LRRK1: variants seen among roughly 807,000 people sequenced by gnomAD.
The protein encoded by LRRK1 is leucine-rich repeat serine/threonine-protein kinase 1.
A neutral mutation model predicts 209.1 loss-of-function variants in LRRK1; 113 were observed. That is an observed-to-expected ratio of 0.54 (90% CI 0.46 to 0.63). LRRK1 has a LOEUF of 0.63. Ranked by LOEUF, LRRK1 falls within the 30% of genes least tolerant of loss-of-function variation. The pLI, the probability that LRRK1 is intolerant of heterozygous loss-of-function variation, is 0.00. For synonymous variants in LRRK1, 1,144 were observed against 1,099.7 expected, an observed-to-expected ratio of 1.04 and a Z score of -0.80; for missense variants, 2,284 against 2,632.2, an observed-to-expected ratio of 0.87 and a Z score of 2.89.
intron 17 of LRRK1, among the ~76,000 whole-genome samples, chr15:101,026,460 T>C (rs1192675541): frequency 1.3e-5 from 2 of 152,208 alleles, no homozygotes; most frequent in Non-Finnish European, 2.9e-5. Flanking sequence ...CCCATCTCAT[T>C]TGTTGATCAC....
At chr15:101,004,095 C>T (rs1238045444) in intron 6 of LRRK1, among the ~76,000 whole-genome samples, 2 of 152,198 alleles carry the variant, frequency 1.3e-5, no homozygotes, top group African/African-American at 4.8e-5. Flanking sequence ...TCCTTGGCCT[C>T]GAATTCCCCT....
intron 3 of LRRK1, among the ~76,000 whole-genome samples, chr15:100,979,424 G>T (rs989241740): frequency 2.0e-5 from 3 of 152,032 alleles, no homozygotes; most frequent in Admixed American, 6.5e-5. Flanking sequence ...TTAATATATT[G>T]CTGGCAATTC....
Position 100,973,891 on chromosome 15 carries a change from A to C in LRRK1, c.185A>C (p.Tyr62Ser). The C allele has an allele frequency of 7.8e-7, 1 of 1,275,918 alleles. No individual in the cohort carries two copies. Among genetic ancestry groups the C allele is most frequent in the Non-Finnish European group, 9.9e-7 (1 of 1,005,736 alleles). The allele number at this position is 1,275,918 out of a possible 1,614,324, so 79.0% of individuals were successfully genotyped here. A position where few individuals can be genotyped will look rare whatever the true frequency, so the allele number is the denominator to read the frequency against. ...SRRTEGIRAAYRRGDRGGARD... is the reference protein window; with the variant it reads ...SRRTEGIRAASRRGDRGGARD... ...AGGACGGAAGGCATCCGCGCCGCGT[A>C]CAGGCGGGGAGACCGCGGCGGCGCC... is the stretch of plus-strand genomic sequence containing the variant. The change falls in exon 3 of 34, where the codon TAC (tyrosine) becomes TCC (serine). Residue 62 changes from tyrosine to serine, a missense_variant. By Grantham distance (144) the Tyr-to-Ser change is moderately radical. Transcript: ENST00000388948.
Position 101,078,233 on chromosome 15 carries a change from T to C in LRRK1, c.*9385T>C, listed in dbSNP as rs2037046936. 6.6e-6 allele frequency: 1 copy of C among 152,278 alleles called. No homozygotes were observed. Among genetic ancestry groups the C allele is most frequent in the Admixed American group, 6.5e-5 (1 of 15,284 alleles). 9.4% of individuals were successfully genotyped at this position (152,278 alleles called of 1,614,324 possible). Reference sequence around the variant, plus strand: ...TCAGCCCGCCTGCACCCAGGTGAAATAAACAGCTTTATTGCTCACACAAAG... The same window carrying C: ...TCAGCCCGCCTGCACCCAGGTGAAACAAACAGCTTTATTGCTCACACAAAG... On this transcript the variant is annotated 3_prime_UTR_variant, in exon 34 of 34. Coordinates refer to ENST00000388948, the MANE Select transcript of LRRK1 (RefSeq NM_024652.6).
chr15:101,055,104 A>G lies in LRRK1; in HGVS notation c.4213A>G (p.Ile1405Val). The change falls in exon 27 of 34, where the codon ATC becomes GTC. Residue 1405 changes from isoleucine (I) to valine (V), a missense_variant. Ile to Val is a conservative substitution (Grantham distance 29). This residue lies in a region of LRRK1 where 780 missense variants were observed against 985.2 expected (regional missense o/e 0.79). Transcript: ENST00000388948. ...WSLDVKEHINIKLSDYGISRQ... is the reference protein window; with the variant it reads ...WSLDVKEHINVKLSDYGISRQ... ...CCTTGACGTCAAGGAGCACATCAAC[A>G]TCAAGCTATCTGACTACGGGATTTC... 2.5e-6 allele frequency: 4 copies of G among 1,614,094 alleles called. No homozygotes were observed. The highest frequency in any genetic ancestry group is 3.4e-6 in the Non-Finnish European group (4 of 1,179,982).
Position 100,933,527 on chromosome 15 carries a change from T to C in LRRK1, c.97+8798T>C, listed in dbSNP as rs368674761. Reference sequence around the variant, plus strand: ...TTCCAACTGTTGTTCTTTTTCTTAATGTTTATAAACTTTTGACCAGGTCCA... The same window carrying C: ...TTCCAACTGTTGTTCTTTTTCTTAACGTTTATAAACTTTTGACCAGGTCCA... On this transcript the variant is annotated intron_variant, in intron 2 of 33. Coordinates refer to ENST00000388948, the MANE Select transcript of LRRK1 (RefSeq NM_024652.6). 2.0e-5 allele frequency among the ~76,000 whole-genome samples: 3 copies of C among 152,266 alleles called. No homozygotes were observed. The East Asian group carries it at 5.8e-4, about 29-fold the overall frequency.
Position 101,024,941 on chromosome 15 carries a change from C to G in LRRK1, c.2206C>G (p.Leu736Val), listed in dbSNP as rs562726580. ...GCTGGGGGAGGAGGCCGTGGCCAAC[C>G]TCCAGTTCTGGCTGCTCAACATCGA... ...LALGEEAVAN[L>V]QFWLLNIEAK... Residue 736 changes from leucine to valine, a missense_variant, in exon 16 of 34, where the codon CTC (leucine) becomes GTC (valine). This residue lies in a region of LRRK1 where 780 missense variants were observed against 985.2 expected (regional missense o/e 0.79). Coordinates refer to ENST00000388948, the MANE Select transcript of LRRK1 (RefSeq NM_024652.6). The surrounding 1 kb of genome is among the most constrained non-coding windows in gnomAD (Gnocchi z 4.6). The G allele has an allele frequency of 2.0e-4, 327 of 1,613,928 alleles. 2 individuals carry two copies. The Admixed American group carries it at 5.4e-3, about 27-fold the overall frequency.
intron 27 of LRRK1, among the ~76,000 whole-genome samples, chr15:101,056,119 A>G (rs1355130588): frequency 6.6e-6 from 1 of 152,200 alleles, no homozygotes; most frequent in Non-Finnish European, 1.5e-5. Flanking sequence ...TCTCAAGTCT[A>G]TCTATCTCAG....
rs1338932190 is a variant in LRRK1 at position 101,077,263 on chromosome 15, C to A, written c.*8415C>A. Reference sequence around the variant, plus strand: ...CACCAGACCAACTTGGACTGTGCCCCAAAAAACTTGTCATCCCTACTATCT... The same window carrying A: ...CACCAGACCAACTTGGACTGTGCCCAAAAAAACTTGTCATCCCTACTATCT... On this transcript the variant is annotated 3_prime_UTR_variant, in exon 34 of 34. Coordinates refer to ENST00000388948, the MANE Select transcript of LRRK1 (RefSeq NM_024652.6). 1 of 152,220 alleles carries A rather than the reference C, an allele frequency of 6.6e-6. No individual in the cohort carries two copies. Among genetic ancestry groups the A allele is most frequent in the Non-Finnish European group, 1.5e-5 (1 of 68,034 alleles). The allele number at this position is 152,220 out of a possible 1,614,324, so 9.4% of individuals were successfully genotyped here. A position where few individuals can be genotyped will look rare whatever the true frequency, so the allele number is the denominator to read the frequency against.
intron 33 of LRRK1, 130 bp from the exon 34 acceptor site, chr15:101,068,541 G>A: frequency 1.1e-6 from 1 of 918,498 alleles, no homozygotes; most frequent in Non-Finnish European, 1.6e-6. Context: ...ACCCCAGAGA[G>A]GGCTGGCAAG....
At position 100,957,145 on chromosome 15, in the gene LRRK1, A is replaced by T. The variant is rs7177618; in HGVS notation, c.98-16659A>T. Among the ~76,000 whole-genome samples the T allele has an allele frequency of 8.0e-3, 1,225 of 152,278 alleles. 17 individuals are homozygous for T. The highest frequency in any genetic ancestry group is 0.028 in the African/African-American group (1,161 of 41,550). ...TGACTTCTAGTTTTACACCATTATG[A>T]TAAGAAAAGAAACTTGATAATATTT... On this transcript the variant is annotated intron_variant, in intron 2 of 33. Coordinates refer to ENST00000388948, the MANE Select transcript of LRRK1 (RefSeq NM_024652.6).
At chr15:101,061,343 G>A in intron 30 of LRRK1, 55 bp downstream of exon 30, 2 of 1,256,570 alleles carry the variant, frequency 1.6e-6, no homozygotes, top group Non-Finnish European at 2.3e-6. Flanking sequence ...ACTGGGTGCA[G>A]CCCTGGGTGG....
rs1486929453 is a variant in LRRK1 at position 101,051,971 on chromosome 15, A to G, written c.3689+11A>G. ...CGACTTCCCGGCCAGGTATGCCCCGAAGGCCCCTCCCAGAACACAGTGCAG... is the reference window on the plus strand; with the variant it reads ...CGACTTCCCGGCCAGGTATGCCCCGGAGGCCCCTCCCAGAACACAGTGCAG... On this transcript the variant is annotated intron_variant, in intron 24 of 33. Transcript: ENST00000388948. 6.2e-7 allele frequency: 1 copy of G among 1,611,102 alleles called. No individual in the cohort carries two copies. The highest frequency in any genetic ancestry group is 1.7e-5 in the Admixed American group (1 of 59,940).
rs2033196715 is a variant in LRRK1 at position 101,010,770 on chromosome 15, C to T, written c.1214C>T (p.Ser405Phe). The T allele has an allele frequency of 9.3e-6, 15 of 1,613,848 alleles. No homozygotes were observed. The highest frequency in any genetic ancestry group is 2.2e-5 in the East Asian group (1 of 44,880). The change falls in exon 9 of 34, where the codon TCC (serine) becomes TTC (phenylalanine). Residue 405 changes from serine to phenylalanine, a missense_variant. Ser to Phe is a radical substitution (Grantham distance 155, BLOSUM62 -2). Around this residue, in one of 6 missense-constraint regions of LRRK1, gnomAD observed 494 missense variants for 522.1 expected, o/e 0.95. Coordinates refer to ENST00000388948, the MANE Select transcript of LRRK1 (RefSeq NM_024652.6). ...GCCCTGTTCCTTCACTCTTTCAAGTCCCTCAATTCTCTGAATGTCTCCAGA... is the reference window on the plus strand; with the variant it reads ...GCCCTGTTCCTTCACTCTTTCAAGTTCCTCAATTCTCTGAATGTCTCCAGA... ...LPALFLHSFK[S>F]LNSLNVSRNN...
At chr15:101,009,108 C>A in intron 7 of LRRK1, 45 bp downstream of exon 7, 1 of 1,416,490 alleles carries the variant, frequency 7.1e-7, no homozygotes, top group Admixed American at 1.7e-5. Flanking sequence ...ACCCCGCTGT[C>A]ACCGTTGTGC....
Position 101,022,060 on chromosome 15 carries a change from C to G in LRRK1, c.1852+103C>G, listed in dbSNP as rs536670869. On this transcript the variant is annotated intron_variant, in intron 14 of 33. Transcript: ENST00000388948. This position sits in a 1 kb window ranked among gnomAD's most constrained non-coding sequence, Gnocchi z 4.0. The stretch of plus-strand genomic sequence containing the variant: ...TGGAGACAGTTGGTGACCCATGGAG[C>G]CCAGCTCCAGGTTCCAGATTTGACA... 27 of 797,150 alleles carry G rather than the reference C, an allele frequency of 3.4e-5. No homozygotes were observed. In the South Asian group the frequency reaches 3.8e-4, roughly 11 times the overall value. 49.4% of individuals were successfully genotyped at this position (797,150 alleles called of 1,614,324 possible). A position where few individuals can be genotyped will look rare whatever the true frequency, so the allele number is the denominator to read the frequency against.
chr15:101,053,883 C>G (rs967615478), intron 26 of LRRK1, among the ~76,000 whole-genome samples: 1 of 152,092 alleles, frequency 6.6e-6, no homozygotes, highest in Non-Finnish European at 1.5e-5. Flanking sequence ...TCCAGAGTGG[C>G]CAGAGGGTGA....
intron 2 of LRRK1, among the ~76,000 whole-genome samples, chr15:100,941,268 CTGTGTGTGTCCG>C (rs1567190571): frequency 1.4e-5 from 1 of 70,702 alleles, no homozygotes; most frequent in Non-Finnish European, 2.8e-5. Context: ...GTCTGTGTCT[CTGTGTGTGTCCG>C]TGTGTGTGTC....
At chr15:100,969,822 A>C (rs755550831) in intron 2 of LRRK1, among the ~76,000 whole-genome samples, 1 of 151,852 alleles carries the variant, frequency 6.6e-6, no homozygotes, top group African/African-American at 2.4e-5. Context: ...CAAAGTGATA[A>C]TCTTATTCCT....
Sources: allele counts gnomAD v4.1 joint callset (sites outside exome capture counted in the v4.1 genomes callset), GRCh38; gene constraint gnomAD v4.1.1; regional missense constraint gnomAD v4.1.1; non-coding constraint Gnocchi (gnomAD v3.1); transcripts MANE v1.5; gene names NCBI Gene and HGNC (gene_info 2026-07-23, HGNC 2026-07-21).